The following SYCP2L variants were observed in gnomAD, a reference collection of about 807,000 sequenced individuals.
SYCP2L encodes synaptonemal complex protein 2-like.
Under a neutral mutation model 125.8 loss-of-function variants are expected in SYCP2L, and 98 were observed. The ratio of observed to expected loss-of-function variants is 0.78; its 90% CI spans 0.66 to 0.92. SYCP2L has a LOEUF of 0.92. Ranked by LOEUF, SYCP2L falls within the 40% of genes least tolerant of loss-of-function variation. The probability of loss-of-function intolerance (pLI) is 0.00; values close to 1 mark genes in which losing one functional copy is unlikely to be tolerated. For synonymous variants in SYCP2L, 317 were observed against 325.4 expected (o/e 0.97, Z 0.28); for missense variants, 842 against 936.4 (o/e 0.90, Z 1.32).
intron 28 of SYCP2L, chr6:10,963,441 G>C (rs570712718): frequency 3.5e-6 from 1 of 284,212 alleles, no homozygotes; most frequent in South Asian, 3.8e-5. Context: ...CAGTGATGGC[G>C]TATGTGTTTT....
chr6:10,915,680 G>T (rs754864179), intron 14 of SYCP2L, among the ~76,000 whole-genome samples: 1 of 152,088 alleles, frequency 6.6e-6, no homozygotes, highest in Non-Finnish European at 1.5e-5. Flanking sequence ...CCCACCTGAT[G>T]ATGGTGGATT....
At chr6:10,935,752 C>A (rs1781082707) in intron 21 of SYCP2L, among the ~76,000 whole-genome samples, 1 of 152,162 alleles carries the variant, frequency 6.6e-6, no homozygotes, top group South Asian at 2.1e-4. Context: ...ACCTTGCCTT[C>A]CCAAAGTGCT....
At chr6:10,947,730 A>T (rs1781341033) in intron 23 of SYCP2L, among the ~76,000 whole-genome samples, 1 of 152,014 alleles carries the variant, frequency 6.6e-6, no homozygotes, top group African/African-American at 2.4e-5. Flanking sequence ...TGATACTTAC[A>T]TCTCTTATTT....
rs761057732 is a variant in SYCP2L at position 10,928,388 on chromosome 6, G to A, written c.1441-15G>A. 1.4e-5 allele frequency: 18 copies of A among 1,301,744 alleles called. No individual in the cohort carries two copies. The highest frequency in any genetic ancestry group is 8.9e-5 in the African/African-American group (6 of 67,266). 80.6% of individuals were successfully genotyped at this position (1,301,744 alleles called of 1,614,324 possible). A position where few individuals can be genotyped will look rare whatever the true frequency, so the allele number is the denominator to read the frequency against. The stretch of plus-strand genomic sequence containing the variant: ...TGTCTATGAAATCTTCACAATCCAC[G>A]TTCTTCTGCCATAGCTTCAGCCGGT... On this transcript the variant is annotated splice_polypyrimidine_tract_variant and intron_variant, in intron 17 of 29. Transcript: ENST00000283141.
At chr6:10,902,349 G>C (rs578172659) in intron 6 of SYCP2L, among the ~76,000 whole-genome samples, 2 of 152,250 alleles carry the variant, frequency 1.3e-5, no homozygotes, top group South Asian at 4.2e-4. Flanking sequence ...GAATTACCTG[G>C]CTTGAAATAT....
Position 10,930,504 on chromosome 6 carries a change from T to G in SYCP2L, c.1623T>G (p.Ser541Arg). Reference protein sequence around the residue: ...YSSRKKTRTRSNLRILPVFPP... With the variant: ...YSSRKKTRTRRNLRILPVFPP... ...GTAGAAAGAAGACAAGAACCAGAAG[T>G]AATTTGAGAAGTAAGTCTGGCATGT... is the stretch of plus-strand genomic sequence containing the variant. The change falls in exon 19 of 30, where the codon AGT (serine) becomes AGG (arginine). Residue 541 changes from serine (S) to arginine (R), a missense_variant. Ser to Arg is a moderately radical substitution (Grantham distance 110). Coordinates refer to ENST00000283141, the MANE Select transcript of SYCP2L (RefSeq NM_001040274.3). The G allele has an allele frequency of 6.2e-7, 1 of 1,610,390 alleles. No individual in the cohort carries two copies. Among genetic ancestry groups the G allele is most frequent in the Non-Finnish European group, 8.5e-7 (1 of 1,178,868 alleles).
chr6:10,889,399 ATATT>A (rs1394974749), intron 1 of SYCP2L, among the ~76,000 whole-genome samples: 2 of 152,122 alleles, frequency 1.3e-5, no homozygotes, highest in African/African-American at 2.4e-5. Context: ...ATCACCTCAA[ATATT>A]TATTTCTTTG....
intron 29 of SYCP2L, among the ~76,000 whole-genome samples, chr6:10,971,457 CAAAA>C (rs564161444): frequency 3.0e-5 from 3 of 99,374 alleles, no homozygotes; most frequent in Non-Finnish European, 6.4e-5. Flanking sequence ...GACTCTGTCT[CAAAA>C]AAAAAAAAAA....
At chr6:10,969,167 C>A (rs1057035601) in intron 29 of SYCP2L, among the ~76,000 whole-genome samples, 3 of 152,050 alleles carry the variant, frequency 2.0e-5, no homozygotes, top group African/African-American at 7.2e-5. Flanking sequence ...CAGACCATCT[C>A]CAAGTATATT....
chr6:10,934,592 A>C (rs966539532), intron 20 of SYCP2L, among the ~76,000 whole-genome samples: 2 of 152,234 alleles, frequency 1.3e-5, no homozygotes. Context: ...AGGCACGAGA[A>C]TTGCTTGAAC....
chr6:10,907,892 G>GTTTGTTTTTTTTTTTTTTT (rs1780526567), intron 10 of SYCP2L, among the ~76,000 whole-genome samples: 1 of 91,922 alleles, frequency 1.1e-5, no homozygotes, highest in Non-Finnish European at 2.0e-5. Context: ...ATACAGATAG[G>GTTTGTTTTTTTTTTTTTTT]TTTTTTTTTT....
chr6:10,960,310 A>G (rs892791841), intron 26 of SYCP2L, among the ~76,000 whole-genome samples: 1 of 152,196 alleles, frequency 6.6e-6, no homozygotes, highest in African/African-American at 2.4e-5. Context: ...TTGAATGTCA[A>G]AGCAAGCCCA....
chr6:10,971,386 A>G (rs1001228943), intron 29 of SYCP2L, among the ~76,000 whole-genome samples: 1 of 147,544 alleles, frequency 6.8e-6, no homozygotes, highest in Non-Finnish European at 1.5e-5. Context: ...TGAACCTGGG[A>G]GGCAGAGGTT....
intron 4 of SYCP2L, among the ~76,000 whole-genome samples, chr6:10,896,017 G>A (rs1358001940): frequency 6.6e-6 from 1 of 152,144 alleles, no homozygotes; most frequent in Non-Finnish European, 1.5e-5. Context: ...GCTGGGCAGT[G>A]GTGGCACATG....
At chr6:10,949,799 G>A (rs1176756691) in intron 23 of SYCP2L, among the ~76,000 whole-genome samples, 1 of 142,156 alleles carries the variant, frequency 7.0e-6, no homozygotes, top group Non-Finnish European at 1.5e-5. Context: ...CACATAAAGA[G>A]CTTATATCTG....
chr6:10,900,029 G>A (rs1027872210), intron 6 of SYCP2L, among the ~76,000 whole-genome samples: 24 of 152,104 alleles, frequency 1.6e-4, no homozygotes, highest in African/African-American at 5.3e-4. Flanking sequence ...TTCACTCTAC[G>A]GTCATTGCTT....
chr6:10,903,103 G>T, intron 8 of SYCP2L, 140 bp downstream of exon 8: 1 of 697,232 alleles, frequency 1.4e-6, no homozygotes, highest in Non-Finnish European at 2.4e-6. Flanking sequence ...TTATGTGTCA[G>T]GCACTATGCT....
At chr6:10,942,204 G>A (rs151278630) in intron 21 of SYCP2L, among the ~76,000 whole-genome samples, 211 of 151,860 alleles carry the variant, frequency 1.4e-3, no homozygotes, top group African/African-American at 4.7e-3. Flanking sequence ...GTTAAATGAC[G>A]AGTTAATGGG....
At chr6:10,927,940 T>C (rs927305995) in intron 17 of SYCP2L, among the ~76,000 whole-genome samples, 2 of 152,180 alleles carry the variant, frequency 1.3e-5, no homozygotes, top group Admixed American at 6.5e-5. Context: ...TCAGCGATAT[T>C]TCTCCCATTT....
Sources: gnomAD v4.1 joint callset for allele counts (sites outside exome capture counted in the v4.1 genomes callset) on GRCh38, gnomAD v4.1.1 for gene constraint, MANE v1.5 for transcripts, NCBI Gene and HGNC (gene_info 2026-07-23, HGNC 2026-07-21) for gene names.